The following ERC2 variants were observed in gnomAD, a reference collection of about 807,000 sequenced individuals.
ERC2 encodes ERC protein 2.
In ERC2, 42 loss-of-function variants were observed where a neutral mutation model predicts 114.8. The observed-to-expected ratio is 0.37, with a 90% confidence interval of 0.29 to 0.47. The LOEUF is 0.47. Among genes scored for constraint, ERC2 ranks in the 20% least tolerant of loss-of-function variants. The pLI, the probability that ERC2 is intolerant of heterozygous loss-of-function variation, is 0.99. For missense variants in ERC2, 939 were observed against 1,150.7 expected, an observed-to-expected ratio of 0.82 and a Z score of 2.66; for synonymous variants, 454 against 425.5, an observed-to-expected ratio of 1.07 and a Z score of -0.82.
chr3:55,862,784 C>A (rs1202553993), intron 14 of ERC2, among the ~76,000 whole-genome samples: 1 of 152,196 alleles, frequency 6.6e-6, no homozygotes, highest in Non-Finnish European at 1.5e-5. Flanking sequence ...AGCAGACCCA[C>A]CACATGCAGC....
intron 13 of ERC2, among the ~76,000 whole-genome samples, chr3:55,902,879 G>T (rs1014732958): frequency 6.6e-6 from 1 of 152,166 alleles, no homozygotes; most frequent in East Asian, 1.9e-4. Flanking sequence ...GAGAGTGGGC[G>T]GATGGCAAAG....
At chr3:56,080,647 G>T (rs1219876581) in intron 7 of ERC2, among the ~76,000 whole-genome samples, 170 bp downstream of exon 7, 1 of 152,076 alleles carries the variant, frequency 6.6e-6, no homozygotes, top group Admixed American at 6.6e-5. Context: ...ATCAAGCAAC[G>T]CTAATATTGA....
At chr3:55,996,398 T>TA (rs1295294834) in intron 10 of ERC2, among the ~76,000 whole-genome samples, 2 of 152,162 alleles carry the variant, frequency 1.3e-5, no homozygotes, top group African/African-American at 4.8e-5. Context: ...GGAATATCAA[T>TA]AAGCATTCTT....
At position 55,692,396 on chromosome 3, in the gene ERC2, C is replaced by T. The variant is rs139555005; in HGVS notation, c.2847+6982G>A. ...GCAGGTGGGTTTTATGAAAAAAGAA[C>T]TAGGGCCAGGAAACACATGGGCCTG... is the stretch of plus-strand genomic sequence containing the variant. On this transcript the variant is annotated intron_variant, in intron 16 of 17. Coordinates refer to ENST00000288221, the MANE Select transcript of ERC2 (RefSeq NM_015576.3). 4.0e-4 allele frequency among the ~76,000 whole-genome samples: 61 copies of T among 152,276 alleles called. No homozygotes were observed. The East Asian group carries it at 0.012, about 29-fold the overall frequency.
At chr3:56,243,849 G>A (rs1426101146) in intron 3 of ERC2, among the ~76,000 whole-genome samples, 1 of 152,212 alleles carries the variant, frequency 6.6e-6, no homozygotes, top group East Asian at 1.9e-4. Context: ...AGCGAGGCAA[G>A]TTCCCTTTAG....
chr3:56,465,235 C>A (rs1369856338), intron 1 of ERC2, among the ~76,000 whole-genome samples: 1 of 152,048 alleles, frequency 6.6e-6, no homozygotes, highest in Admixed American at 6.6e-5. Flanking sequence ...CCAGTCTGTA[C>A]TAAAAATACA....
chr3:56,415,857 C>A (rs147887213), intron 2 of ERC2, among the ~76,000 whole-genome samples: 4 of 152,308 alleles, frequency 2.6e-5, no homozygotes, highest in Non-Finnish European at 5.9e-5. Context: ...ATAGGACAGC[C>A]AACACAAATA....
At chr3:55,733,699 G>T (rs1405868614) in intron 15 of ERC2, among the ~76,000 whole-genome samples, 1 of 152,134 alleles carries the variant, frequency 6.6e-6, no homozygotes, top group Non-Finnish European at 1.5e-5. Flanking sequence ...TAGTCACATT[G>T]TAAGTGGAGG....
intron 15 of ERC2, among the ~76,000 whole-genome samples, chr3:55,713,160 CAA>C (rs2063880462): frequency 1.3e-5 from 2 of 151,150 alleles, no homozygotes; most frequent in African/African-American, 4.9e-5. Flanking sequence ...CACACACACA[CAA>C]ACCCCAGAAT....
chr3:56,081,190 C>T (rs946058204), intron 6 of ERC2, among the ~76,000 whole-genome samples: 2 of 92,638 alleles, frequency 2.2e-5, no homozygotes, highest in African/African-American at 5.6e-5. Context: ...AATAGTGATA[C>T]TTTAAAAAAA....
intron 17 of ERC2, among the ~76,000 whole-genome samples, chr3:55,594,544 C>T (rs1450005520): frequency 6.6e-6 from 1 of 152,018 alleles, no homozygotes. Context: ...TATAGTGGCG[C>T]GATTTTGACT....
intron 2 of ERC2, among the ~76,000 whole-genome samples, chr3:56,325,312 G>A (rs1033615696): frequency 1.3e-5 from 2 of 152,014 alleles, no homozygotes; most frequent in African/African-American, 4.8e-5. Context: ...TGGGTGTGGT[G>A]GTGGGCACCT....
intron 3 of ERC2, among the ~76,000 whole-genome samples, chr3:56,292,364 G>T (rs114051919): frequency 6.7e-6 from 1 of 150,368 alleles, no homozygotes; most frequent in Non-Finnish European, 1.5e-5. Context: ...CAGGCAGATC[G>T]CTTGAGCTCA....
At chr3:55,871,430 A>G (rs891290263) in intron 14 of ERC2, among the ~76,000 whole-genome samples, 3 of 152,194 alleles carry the variant, frequency 2.0e-5, no homozygotes, top group South Asian at 2.1e-4. Flanking sequence ...TAATTTCCCT[A>G]CAAAGAAGGC....
At chr3:55,815,950 G>T (rs7615473) in intron 14 of ERC2, among the ~76,000 whole-genome samples, 49,047 of 152,070 alleles carry the variant, frequency 0.32, 9,506 homozygotes, top group African/African-American at 0.54. Context: ...ACTGCCTCAG[G>T]TATCTTCTTA....
At chr3:56,406,244 G>A (rs750627494) in intron 2 of ERC2, among the ~76,000 whole-genome samples, 20 of 152,116 alleles carry the variant, frequency 1.3e-4, no homozygotes, top group Non-Finnish European at 2.2e-4. Flanking sequence ...ATTTCATTCC[G>A]GGTAGTAAGT....
intron 14 of ERC2, among the ~76,000 whole-genome samples, chr3:55,755,820 C>G: frequency 6.6e-6 from 1 of 152,138 alleles, no homozygotes; most frequent in African/African-American, 2.4e-5. Flanking sequence ...AAACGTACAT[C>G]GAACGTTCGC....
At chr3:55,920,830 T>G (rs2065383673) in intron 13 of ERC2, among the ~76,000 whole-genome samples, 1 of 152,118 alleles carries the variant, frequency 6.6e-6, no homozygotes, top group African/African-American at 2.4e-5. Context: ...GTCAGTCACT[T>G]TTCCAAATTC....
At chr3:55,640,053 C>T (rs1301805606) in intron 17 of ERC2, among the ~76,000 whole-genome samples, 1 of 152,156 alleles carries the variant, frequency 6.6e-6, no homozygotes, top group Non-Finnish European at 1.5e-5. Context: ...GGGAAGCTTG[C>T]TCTGCATGAT....
Sources: allele counts gnomAD v4.1 joint callset (sites outside exome capture counted in the v4.1 genomes callset), GRCh38; gene constraint gnomAD v4.1.1; transcripts MANE v1.5; gene names NCBI Gene and HGNC (gene_info 2026-07-23, HGNC 2026-07-21).